The following HIGD1C variants were observed in gnomAD, a reference collection of about 807,000 sequenced individuals.
HIGD1C encodes HIG1 domain family member 1C.
HIGD1C carries 11 observed loss-of-function variants against 13.1 expected under a neutral mutation model. That is an observed-to-expected ratio of 0.84 (90% CI 0.53 to 1.39). The LOEUF (loss-of-function observed/expected upper bound fraction) is 1.39. Among genes scored for constraint, HIGD1C ranks in the 40% most tolerant of loss-of-function variants. HIGD1C has a pLI of 0.00. For synonymous variants in HIGD1C, 36 were observed against 37.7 expected, an observed-to-expected ratio of 0.95 and a Z score of 0.17; for missense variants, 110 against 112.0, an observed-to-expected ratio of 0.98 and a Z score of 0.08.
chr12:50,942,657 G>A, the HIGD1C span, among the ~76,000 whole-genome samples: 19 of 152,168 alleles, frequency 1.2e-4, no homozygotes, highest in Admixed American at 3.9e-4. Context: ...GCCTGAGTTT[G>A]GGAGTTAAGA....
At chr12:50,969,967 G>T (rs147703544) in intron 2 of HIGD1C, among the ~76,000 whole-genome samples, 9 of 151,838 alleles carry the variant, frequency 5.9e-5, no homozygotes, top group African/African-American at 2.2e-4. Context: ...CCCCCTTTCT[G>T]CATGCCCCAG....
intron 2 of HIGD1C, among the ~76,000 whole-genome samples, chr12:50,969,516 A>G (rs1465332792): frequency 6.6e-6 from 1 of 152,062 alleles, no homozygotes; most frequent in Non-Finnish European, 1.5e-5. Context: ...CCTGGCCAAC[A>G]TGGCGAAACG....
At chr12:50,956,891 T>C (rs1939114601) in intron 1 of HIGD1C, among the ~76,000 whole-genome samples, 1 of 152,202 alleles carries the variant, frequency 6.6e-6, no homozygotes, top group Admixed American at 6.5e-5. Context: ...TATCATTTGT[T>C]ATATATTTCC....
At chr12:50,967,860 G>A (rs961676860) in intron 2 of HIGD1C, among the ~76,000 whole-genome samples, 5 of 152,100 alleles carry the variant, frequency 3.3e-5, no homozygotes, top group African/African-American at 1.2e-4. Context: ...TCCAAGGCAG[G>A]AGAATCACTT....
chr12:50,953,938 C>A, exon 1 of HIGD1C: 1 of 1,021,356 alleles, frequency 9.8e-7, no homozygotes. Flanking sequence ...AGAGGAAAAA[C>A]AAATTATTTT....
intron 2 of HIGD1C, among the ~76,000 whole-genome samples, chr12:50,963,057 C>T (rs951697561): frequency 4.0e-5 from 6 of 151,640 alleles, no homozygotes; most frequent in African/African-American, 7.3e-5. Context: ...TGAAGTGAGC[C>T]GGGAAAGGAA....
the HIGD1C span, among the ~76,000 whole-genome samples, chr12:50,948,172 A>G: frequency 2.0e-5 from 3 of 152,200 alleles, no homozygotes; most frequent in Admixed American, 2.0e-4. Flanking sequence ...TGATCACTTG[A>G]CTCAGAATCC....
At chr12:50,931,230 AT>A in the HIGD1C span, 1 of 148,412 alleles carries the variant, frequency 6.7e-6, no homozygotes, top group Non-Finnish European at 1.5e-5. Flanking sequence ...TCAGATTTTA[AT>A]TTTATCTTCT....
intron 1 of HIGD1C, among the ~76,000 whole-genome samples, chr12:50,957,940 GTGTGTGTGTGTGTGTGTGTGT>G (rs1939168477): frequency 9.2e-5 from 6 of 64,866 alleles, no homozygotes; most frequent in Non-Finnish European, 1.6e-4. Context: ...AATTGGAGGT[GTGTGTGTGTGTGTGTGTGTGT>G]GTGTGTGTGT....
At chr12:50,936,382 T>C in the HIGD1C span, among the ~76,000 whole-genome samples, 5 of 152,194 alleles carry the variant, frequency 3.3e-5, no homozygotes, top group Admixed American at 1.3e-4. Flanking sequence ...AGTGCTGTGA[T>C]TACAGGCATG....
the HIGD1C span, among the ~76,000 whole-genome samples, chr12:50,938,522 C>T: frequency 6.6e-6 from 1 of 152,182 alleles, no homozygotes; most frequent in Non-Finnish European, 1.5e-5. Flanking sequence ...GGTGCCCCAC[C>T]AACTCAGTAG....
chr12:50,970,412 C>A (rs1278864234), intron 2 of HIGD1C, 30 bp from the exon 5 acceptor site: 2 of 1,106,044 alleles, frequency 1.8e-6, no homozygotes, highest in Non-Finnish European at 2.7e-6. Flanking sequence ...CCCATGGATA[C>A]TCAATTGATA....
intron 2 of HIGD1C, among the ~76,000 whole-genome samples, chr12:50,968,356 G>A (rs139720456): frequency 1.4e-4 from 21 of 152,190 alleles, no homozygotes; most frequent in Admixed American, 3.3e-4. Flanking sequence ...CCAACTTACC[G>A]TAATCTCCAC....
chr12:50,936,683 C>T, the HIGD1C span, among the ~76,000 whole-genome samples: 1 of 152,164 alleles, frequency 6.6e-6, no homozygotes, highest in Non-Finnish European at 1.5e-5. Context: ...TGATGGTCTC[C>T]TGAGACTCAT....
chr12:50,948,414 C>T, the HIGD1C span, among the ~76,000 whole-genome samples: 2 of 152,244 alleles, frequency 1.3e-5, no homozygotes, highest in South Asian at 4.1e-4. Flanking sequence ...TTCTGTTGGG[C>T]AGGCTGTGGA....
At chr12:50,949,378 C>T (rs1489445793), upstream of HIGD1C, 1 of 152,018 alleles carries the variant, frequency 6.6e-6, no homozygotes, top group Admixed American at 6.6e-5. Flanking sequence ...TGGACCTGCT[C>T]AGAGGCTGTC....
chr12:50,946,070 C>A, the HIGD1C span, among the ~76,000 whole-genome samples: 66 of 152,040 alleles, frequency 4.3e-4, no homozygotes, highest in Non-Finnish European at 6.8e-4. Context: ...CACCTTATAC[C>A]AAAATTAATT....
the HIGD1C span, among the ~76,000 whole-genome samples, chr12:50,943,949 G>T: frequency 2.8e-4 from 43 of 152,196 alleles, no homozygotes; most frequent in African/African-American, 1.0e-3. Context: ...CCTACCCTCA[G>T]GAGAAAGTAA....
chr12:50,948,050 T>A, the HIGD1C span, among the ~76,000 whole-genome samples: 1 of 152,212 alleles, frequency 6.6e-6, no homozygotes, highest in African/African-American at 2.4e-5. Context: ...GCCCTTACAC[T>A]CTAGGTTTCA....
Sources: allele counts gnomAD v4.1 joint callset (sites outside exome capture counted in the v4.1 genomes callset), GRCh38; gene constraint gnomAD v4.1.1; transcripts MANE v1.5; gene names NCBI Gene and HGNC (gene_info 2026-07-23, HGNC 2026-07-21).